The following PKD2L1 variants were observed in gnomAD, a reference collection of about 807,000 sequenced individuals.
PKD2L1 encodes the protein polycystin 2 like 1, transient receptor potential cation channel.
Under a neutral mutation model 93.0 loss-of-function variants are expected in PKD2L1, and 77 were observed. The observed-to-expected ratio is 0.83, with a 90% CI of 0.69 to 1.00. The LOEUF is 1.00. PKD2L1 is among the 50% of genes least tolerant of loss of function. The pLI, the probability that PKD2L1 is intolerant of heterozygous loss-of-function variation, is 0.00. For missense variants in PKD2L1, 977 were observed against 990.9 expected (o/e 0.99, Z 0.19); for synonymous variants, 390 against 388.0 (o/e 1.01, Z -0.06).
chr10:100,291,073 A>C (rs547962083), intron 12 of PKD2L1, among the ~76,000 whole-genome samples: 1 of 152,284 alleles, frequency 6.6e-6, no homozygotes, highest in East Asian at 1.9e-4. Flanking sequence ...TAGGCCCCAC[A>C]CCCAGAGATT....
At chr10:100,319,329 G>C (rs1849176762) in intron 2 of PKD2L1, among the ~76,000 whole-genome samples, 1 of 152,170 alleles carries the variant, frequency 6.6e-6, no homozygotes, top group African/African-American at 2.4e-5. Context: ...TAAGTATCTT[G>C]ACCTATTTGC....
At chr10:100,311,054 C>T (rs566075191) in intron 2 of PKD2L1, among the ~76,000 whole-genome samples, 4 of 152,276 alleles carry the variant, frequency 2.6e-5, no homozygotes, top group Admixed American at 6.5e-5. Flanking sequence ...TTTAACATTG[C>T]TTTTATCCTT....
intron 2 of PKD2L1, among the ~76,000 whole-genome samples, chr10:100,325,345 G>A (rs55825790): frequency 0.045 from 6,782 of 152,264 alleles, 193 homozygotes; most frequent in Middle Eastern, 0.15. Context: ...AGACATCAGC[G>A]GGGTGAGGCC....
chr10:100,317,043 G>A (rs561357275), intron 2 of PKD2L1, among the ~76,000 whole-genome samples: 9 of 151,308 alleles, frequency 5.9e-5, no homozygotes, highest in African/African-American at 1.2e-4. Context: ...AGCCAAGATC[G>A]CCCCACTGCA....
chr10:100,303,840 GATAGC>G (rs1365556611), intron 2 of PKD2L1, among the ~76,000 whole-genome samples: 1 of 152,208 alleles, frequency 6.6e-6, no homozygotes, highest in Non-Finnish European at 1.5e-5. Context: ...AGTTACAACT[GATAGC>G]AAGCTGAACC....
intron 11 of PKD2L1, among the ~76,000 whole-genome samples, chr10:100,292,359 G>A (rs1271515411): frequency 6.6e-6 from 1 of 152,034 alleles, no homozygotes; most frequent in Non-Finnish European, 1.5e-5. Flanking sequence ...GGGCGTGGTG[G>A]CACATGACTG....
intron 4 of PKD2L1, among the ~76,000 whole-genome samples, chr10:100,298,113 AT>A (rs1365577931): frequency 6.6e-6 from 1 of 151,866 alleles, no homozygotes; most frequent in African/African-American, 2.4e-5. Context: ...CTGGGTGCTT[AT>A]TTCCTCCCTC....
intron 4 of PKD2L1, 66 bp from the exon 5 acceptor site, chr10:100,297,672 A>G (rs1848580122): frequency 8.7e-7 from 1 of 1,147,206 alleles, no homozygotes; most frequent in Non-Finnish European, 1.3e-6. Flanking sequence ...GCAATGCTTT[A>G]TCATTGTCTG....
intron 2 of PKD2L1, among the ~76,000 whole-genome samples, chr10:100,313,666 C>T (rs1361304561): frequency 6.6e-6 from 1 of 150,442 alleles, no homozygotes; most frequent in Non-Finnish European, 1.5e-5. Flanking sequence ...CTACCCTCAA[C>T]ATTTTGAGGA....
intron 2 of PKD2L1, 44 bp from the exon 3 acceptor site, chr10:100,299,762 C>A: frequency 1.3e-6 from 2 of 1,593,288 alleles, no homozygotes; most frequent in Non-Finnish European, 1.7e-6. Flanking sequence ...ACTGTTCCCC[C>A]AGAGGAGACA....
chr10:100,290,317 G>A, intron 13 of PKD2L1, 84 bp downstream of exon 13: 3 of 1,271,444 alleles, frequency 2.4e-6, no homozygotes, highest in Non-Finnish European at 3.4e-6. Context: ...ACAGAGAATT[G>A]GAAAGTTGTG....
chr10:100,322,477 C>CA lies in PKD2L1; in HGVS notation c.349+6733dup, dbSNP rs554203238. Among the ~76,000 whole-genome samples the CA allele has an allele frequency of 2.4e-3, 308 of 128,128 alleles. 1 individual carries two copies. Among genetic ancestry groups the CA allele is most frequent in the Middle Eastern group, 0.012 (3 of 254 alleles). 84.1% of individuals were successfully genotyped at this position (128,128 alleles called of 152,430 possible). ...TGGGTGAAAGAACCAGACTCTGTCTCAAAAAAAAAAAACTACTTAGAAATA... is the reference window on the plus strand; with the variant it reads ...TGGGTGAAAGAACCAGACTCTGTCTCAAAAAAAAAAAAACTACTTAGAAATA... On this transcript the variant is annotated intron_variant, in intron 2 of 15. Transcript: ENST00000318222.
intron 2 of PKD2L1, among the ~76,000 whole-genome samples, chr10:100,305,635 A>G (rs562722665): frequency 6.6e-6 from 1 of 152,082 alleles, no homozygotes; most frequent in East Asian, 1.9e-4. Flanking sequence ...TTTACCAGGA[A>G]CCCCTCCCTA....
intron 11 of PKD2L1, among the ~76,000 whole-genome samples, chr10:100,291,950 C>T (rs1848415829): frequency 6.6e-6 from 1 of 152,012 alleles, no homozygotes; most frequent in South Asian, 2.1e-4. Context: ...ACTACTTATT[C>T]CTCCTGTGTA....
intron 7 of PKD2L1, 60 bp from the exon 8 acceptor site, chr10:100,295,183 C>T: frequency 6.8e-7 from 1 of 1,462,654 alleles, no homozygotes; most frequent in Non-Finnish European, 9.5e-7. Flanking sequence ...ATTGAAAAGT[C>T]CATGCCAAGG....
Position 100,297,067 on chromosome 10 carries a change from A to G in PKD2L1, c.1098T>C (p.Tyr366=), listed in dbSNP as rs1427074798. 1.2e-6 allele frequency: 2 copies of G among 1,613,834 alleles called. No homozygotes were observed. The highest frequency in any genetic ancestry group is 2.2e-5 in the East Asian group (1 of 44,872). ...GGAGCTCCAGGATCTCTTCCACCAC[A>G]TAGTAGAAGATGAAGACGCAGAAGA... The part of the protein sequence containing the change: ...EVIFCVFIFY[Y]VVEEILELHI... The change falls in exon 6 of 16, where the codon TAT becomes TAC. Residue 366 remains tyrosine (Y), a synonymous_variant. Transcript: ENST00000318222.
chr10:100,294,229 C>T (rs1180615700), intron 9 of PKD2L1, among the ~76,000 whole-genome samples: 1 of 152,096 alleles, frequency 6.6e-6, no homozygotes, highest in African/African-American at 2.4e-5. Flanking sequence ...GGAGGACGGT[C>T]GTAGACGCTT....
intron 2 of PKD2L1, among the ~76,000 whole-genome samples, chr10:100,305,510 T>G (rs1297578389): frequency 6.6e-6 from 1 of 152,166 alleles, no homozygotes; most frequent in Non-Finnish European, 1.5e-5. Flanking sequence ...TTATATTTAG[T>G]AAATGTTGGA....
chr10:100,308,491 C>T (rs909646628), intron 2 of PKD2L1, among the ~76,000 whole-genome samples: 1 of 151,982 alleles, frequency 6.6e-6, no homozygotes, highest in African/African-American at 2.4e-5. Flanking sequence ...TGCACCACTA[C>T]ACCTGGCTAA....
Sources: gnomAD v4.1 joint callset for allele counts (sites outside exome capture counted in the v4.1 genomes callset) on GRCh38, gnomAD v4.1.1 for gene constraint, MANE v1.5 for transcripts, NCBI Gene and HGNC (gene_info 2026-07-23, HGNC 2026-07-21) for gene names.